Variants in SIPA1L2 observed in about 807,000 individuals in gnomAD.
The protein encoded by SIPA1L2 is signal-induced proliferation-associated 1-like protein 2.
Under a neutral mutation model 163.9 loss-of-function variants are expected in SIPA1L2, and 56 were observed. That is an observed-to-expected ratio of 0.34 (90% CI 0.28 to 0.43). The LOEUF is 0.43. Among genes scored for constraint, SIPA1L2 ranks in the 20% least tolerant of loss-of-function variants. The pLI is 1.00. For missense variants in SIPA1L2, 1,974 were observed against 2,193.5 expected (o/e 0.90, Z 2.00); for synonymous variants, 877 against 865.7 (o/e 1.01, Z -0.23).
chr1:232,541,854 TA>T (rs10585668), intron 2 of SIPA1L2, among the ~76,000 whole-genome samples: 49,190 of 134,814 alleles, frequency 0.36, 9,164 homozygotes, highest in Non-Finnish European at 0.39. Flanking sequence ...CCTACAGATT[TA>T]AAAAAAAAAA....
chr1:232,421,408 G>A (rs1427766201), intron 18 of SIPA1L2, among the ~76,000 whole-genome samples: 1 of 150,852 alleles, frequency 6.6e-6, no homozygotes, highest in Admixed American at 6.6e-5. Flanking sequence ...TGAGTTTATT[G>A]CTATTATTAT....
intron 2 of SIPA1L2, among the ~76,000 whole-genome samples, chr1:232,524,155 C>T (rs1667582034): frequency 6.6e-6 from 1 of 152,190 alleles, no homozygotes; most frequent in Non-Finnish European, 1.5e-5. Context: ...TCAACGTATT[C>T]AGTTCTACCA....
At chr1:232,510,503 A>C (rs1666932680) in intron 3 of SIPA1L2, among the ~76,000 whole-genome samples, 1 of 152,198 alleles carries the variant, frequency 6.6e-6, no homozygotes, top group Admixed American at 6.5e-5. Context: ...GTCTACACTC[A>C]GATTCTTCTT....
chr1:232,455,751 C>T (rs2102903045), intron 10 of SIPA1L2, among the ~76,000 whole-genome samples: 1 of 150,538 alleles, frequency 6.6e-6, no homozygotes, highest in Non-Finnish European at 1.5e-5. Flanking sequence ...CCATATACAC[C>T]ATGGAATACT....
At chr1:232,429,140 A>C (rs920245040) in intron 16 of SIPA1L2, among the ~76,000 whole-genome samples, 1 of 152,230 alleles carries the variant, frequency 6.6e-6, no homozygotes, top group African/African-American at 2.4e-5. Context: ...ACAACAAAGG[A>C]GTGTCAAGCT....
chr1:232,409,084 C>T (rs977448890), intron 19 of SIPA1L2, among the ~76,000 whole-genome samples: 6 of 152,026 alleles, frequency 3.9e-5, no homozygotes, highest in Non-Finnish European at 7.4e-5. Flanking sequence ...AAATTCTTAT[C>T]CCTATTTTTG....
chr1:232,514,315 T>C lies in SIPA1L2; in HGVS notation c.1025A>G (p.Asn342Ser), dbSNP rs1186637989. Residue 342 changes from asparagine to serine, a missense_variant, in exon 3 of 23, where the codon AAC (asparagine) becomes AGC (serine). Physicochemically the swap from Asn to Ser is conservative, Grantham distance 46. Transcript: ENST00000674635. ...YDVQSILFNI[N>S]EAMATRANVG... Reference sequence around the variant, plus strand: ...ATTAGCCCTCGTAGCCATGGCTTCGTTGATATTAAACAAAATGCTCTGGAC... The same window carrying C: ...ATTAGCCCTCGTAGCCATGGCTTCGCTGATATTAAACAAAATGCTCTGGAC... 6 of 1,613,408 alleles carry C rather than the reference T, an allele frequency of 3.7e-6. No homozygotes were observed. Among genetic ancestry groups the C allele is most frequent in the Non-Finnish European group, 8.5e-7 (1 of 1,180,034 alleles).
intron 18 of SIPA1L2, among the ~76,000 whole-genome samples, chr1:232,423,977 A>C (rs1021059610): frequency 3.3e-5 from 5 of 152,166 alleles, no homozygotes; most frequent in Non-Finnish European, 7.3e-5. Flanking sequence ...CAGGAGCTAG[A>C]GGGGAGGGAG....
At chr1:232,504,156 T>A (rs1315175890) in intron 3 of SIPA1L2, among the ~76,000 whole-genome samples, 4 of 150,126 alleles carry the variant, frequency 2.7e-5, no homozygotes, top group African/African-American at 9.8e-5. Flanking sequence ...GAGCCAAGAT[T>A]GTGCCACTGC....
intron 12 of SIPA1L2, among the ~76,000 whole-genome samples, chr1:232,443,379 C>T (rs1663019005): frequency 6.6e-6 from 1 of 152,186 alleles, no homozygotes; most frequent in Non-Finnish European, 1.5e-5. Context: ...AACCTTTCCT[C>T]ATCAAAAAGG....
intron 6 of SIPA1L2, among the ~76,000 whole-genome samples, 169 bp from the exon 7 acceptor site, chr1:232,479,899 C>T (rs187087013): frequency 1.2e-4 from 19 of 152,328 alleles, no homozygotes; most frequent in African/African-American, 3.6e-4. Context: ...TTCTACCACT[C>T]CCGCTCCAGG....
intron 2 of SIPA1L2, among the ~76,000 whole-genome samples, chr1:232,545,166 T>C (rs1024586665): frequency 2.0e-5 from 3 of 152,224 alleles, no homozygotes; most frequent in African/African-American, 7.2e-5. Context: ...GCCTTAATTT[T>C]TACCAGACTA....
chr1:232,569,485 G>A (rs763215888), intron 2 of SIPA1L2, among the ~76,000 whole-genome samples: 6 of 152,114 alleles, frequency 3.9e-5, no homozygotes, highest in East Asian at 1.9e-4. Context: ...AAACTTGGGC[G>A]GGACAATGAG....
chr1:232,597,647 G>A (rs184716423), intron 1 of SIPA1L2, among the ~76,000 whole-genome samples: 1,470 of 139,308 alleles, frequency 0.011, 34 homozygotes, highest in African/African-American at 0.039. Context: ...CCGAGTTTGC[G>A]CCACTGCACT....
rs1558270699 is a variant in SIPA1L2 at position 232,563,955 on chromosome 1, T to TTTGTG, written c.-270+10218_-270+10219insCACAA. Among the ~76,000 whole-genome samples, 64 of 116,758 alleles carry TTTGTG rather than the reference T, an allele frequency of 5.5e-4. 3 individuals carry two copies. The highest frequency in any genetic ancestry group is 2.4e-3 in the African/African-American group (60 of 25,160). 76.6% of individuals were successfully genotyped at this position (116,758 alleles called of 152,430 possible). A position where few individuals can be genotyped will look rare whatever the true frequency, so the allele number is the denominator to read the frequency against. On this transcript the variant is annotated intron_variant, in intron 2 of 22. Transcript: ENST00000674635. The stretch of plus-strand genomic sequence containing the variant: ...AACGACAAAGGTTTGTTTTTTTTTT[T>TTTGTG]CGTGTGTGTGTGTGTGTGTGTGTGT...
intron 4 of SIPA1L2, among the ~76,000 whole-genome samples, chr1:232,491,538 G>A (rs550699706): frequency 6.6e-6 from 1 of 152,276 alleles, no homozygotes; most frequent in South Asian, 2.1e-4. Flanking sequence ...AGGCTGAACA[G>A]GGGAGCAGCA....
At chr1:232,583,954 G>T (rs574885963) in intron 1 of SIPA1L2, among the ~76,000 whole-genome samples, 2 of 151,450 alleles carry the variant, frequency 1.3e-5, no homozygotes, top group Non-Finnish European at 2.9e-5. Context: ...CCAAAGACAG[G>T]TCATAGAAAC....
intron 2 of SIPA1L2, among the ~76,000 whole-genome samples, chr1:232,553,827 A>G (rs1658544486): frequency 1.3e-5 from 2 of 152,238 alleles, no homozygotes; most frequent in African/African-American, 4.8e-5. Flanking sequence ...ACACATATTT[A>G]TATTCATTAC....
chr1:232,588,783 C>T (rs1189615153), intron 1 of SIPA1L2, among the ~76,000 whole-genome samples: 1 of 152,112 alleles, frequency 6.6e-6, no homozygotes, highest in African/African-American at 2.4e-5. Flanking sequence ...TCTAATAAGC[C>T]AGATATTAAA....
Sources: gnomAD v4.1 joint callset for allele counts (sites outside exome capture counted in the v4.1 genomes callset) on GRCh38, gnomAD v4.1.1 for gene constraint, MANE v1.5 for transcripts, NCBI Gene and HGNC (gene_info 2026-07-23, HGNC 2026-07-21) for gene names.